PIK3CB: variants seen among roughly 807,000 people sequenced by gnomAD.
The protein encoded by PIK3CB is phosphatidylinositol 4,5-bisphosphate 3-kinase catalytic subunit beta isoform.
Under a neutral mutation model 136.8 loss-of-function variants are expected in PIK3CB, and 39 were observed. The ratio of observed to expected loss-of-function variants is 0.29; its 90% CI spans 0.22 to 0.37. PIK3CB has a LOEUF of 0.37. Among genes scored for constraint, PIK3CB ranks in the 10% least tolerant of loss-of-function variants. The pLI is 1.00. For missense variants in PIK3CB, 868 were observed against 1,275.4 expected, an observed-to-expected ratio of 0.68 and a Z score of 4.87; for synonymous variants, 428 against 436.6, an observed-to-expected ratio of 0.98 and a Z score of 0.25.
At chr3:138,753,459 T>C (rs1239852045) in intron 4 of PIK3CB, among the ~76,000 whole-genome samples, 1 of 152,180 alleles carries the variant, frequency 6.6e-6, no homozygotes, top group Non-Finnish European at 1.5e-5. Flanking sequence ...AGGCAGAGGT[T>C]GCAGTGAGTC....
intron 8 of PIK3CB, among the ~76,000 whole-genome samples, chr3:138,721,002 A>T (rs939491737): frequency 6.6e-6 from 1 of 152,230 alleles, no homozygotes; most frequent in South Asian, 2.1e-4. Context: ...ATAAGCCTGC[A>T]AACTACAAAA....
chr3:138,669,749 A>G (rs941881273), intron 19 of PIK3CB, among the ~76,000 whole-genome samples: 4 of 152,214 alleles, frequency 2.6e-5, no homozygotes, highest in African/African-American at 9.7e-5. Flanking sequence ...ATTTTCATTC[A>G]TGCAAACATG....
intron 13 of PIK3CB, 147 bp downstream of exon 13, chr3:138,698,760 T>A: frequency 2.2e-6 from 1 of 447,188 alleles, no homozygotes; most frequent in Non-Finnish European, 4.0e-6. Flanking sequence ...GGTCCATTAC[T>A]TGGAGTATAA....
At chr3:138,793,762 G>A (rs1008062346) in intron 2 of PIK3CB, among the ~76,000 whole-genome samples, 4 of 152,106 alleles carry the variant, frequency 2.6e-5, no homozygotes, top group African/African-American at 7.2e-5. Flanking sequence ...GCTCCCATCT[G>A]TAATCCCAGC....
chr3:138,737,961 T>A lies in PIK3CB; in HGVS notation c.622-75A>T, dbSNP rs878972235. On this transcript the variant is annotated intron_variant, in intron 5 of 23. Coordinates refer to ENST00000674063, the MANE Select transcript of PIK3CB (RefSeq NM_006219.3). ...CTGAAAAATCACATTACAATCATTATGTAATAATATGTACAAATGTACATA... is the reference window on the plus strand; with the variant it reads ...CTGAAAAATCACATTACAATCATTAAGTAATAATATGTACAAATGTACATA... 8.4e-6 allele frequency: 7 copies of A among 835,546 alleles called. No homozygotes were observed. The South Asian group carries it at 1.2e-4, about 14-fold the overall frequency. The allele number at this position is 835,546 out of a possible 1,614,324, so 51.8% of individuals were successfully genotyped here. A position where few individuals can be genotyped will look rare whatever the true frequency, so the allele number is the denominator to read the frequency against.
chr3:138,759,209 C>G lies in PIK3CB; in HGVS notation c.135G>C (p.Glu45Asp). 1.2e-6 allele frequency: 2 copies of G among 1,611,474 alleles called. No individual in the cohort carries two copies. The highest frequency in any genetic ancestry group is 1.7e-6 in the Non-Finnish European group (2 of 1,178,042). The change falls in exon 3 of 24, where the codon GAG becomes GAC. Residue 45 changes from glutamate to aspartate, a missense_variant. This residue lies in a region of PIK3CB where 612 missense variants were observed against 801.1 expected (regional missense o/e 0.76). Transcript: ENST00000674063. ...LLPTGIYIQL[E>D]VPREATISYI... ...AAGAAATGGTAGCTTCCCGAGGTAC[C>G]TCCAACTGGATATAAATCCCAGTGG...
chr3:138,678,372 AT>A (rs1442917667), intron 19 of PIK3CB, among the ~76,000 whole-genome samples: 6 of 152,246 alleles, frequency 3.9e-5, no homozygotes, highest in East Asian at 1.9e-4. Flanking sequence ...TCTAAAAAAA[AT>A]TTTTTTAATA....
At chr3:138,826,219 C>A in intron 1 of PIK3CB, 1 of 1,449,044 alleles carries the variant, frequency 6.9e-7, no homozygotes, top group Non-Finnish European at 9.6e-7. Flanking sequence ...CATTTTGCTG[C>A]TCGTGATATG....
At chr3:138,729,347 G>C (rs1190978116) in intron 8 of PIK3CB, among the ~76,000 whole-genome samples, 2 of 152,082 alleles carry the variant, frequency 1.3e-5, no homozygotes, top group African/African-American at 2.4e-5. Context: ...AGGTCACAGG[G>C]TACCCTGGTA....
rs772751891 is a variant in PIK3CB, at chr3:138,755,974, T to C, written c.177A>G (p.Leu59=). The C allele has an allele frequency of 6.4e-7, 1 of 1,570,464 alleles. No homozygotes were observed. Among genetic ancestry groups the C allele is most frequent in the Non-Finnish European group, 8.7e-7 (1 of 1,145,370 alleles). ...TTGGGTAATTGTGAACTTGCTTCCA[T>C]AACATCTATGAGAAAAAATAAGACA... The part of the protein sequence containing the change: ...EATISYIKQM[L]WKQVHNYPMF... Residue 59 remains leucine (L), a synonymous_variant, in exon 4 of 24, where the codon TTA becomes TTG. Coordinates refer to ENST00000674063, the MANE Select transcript of PIK3CB (RefSeq NM_006219.3).
At chr3:138,681,355 T>C (rs1559810227) in intron 19 of PIK3CB, among the ~76,000 whole-genome samples, 1 of 152,212 alleles carries the variant, frequency 6.6e-6, no homozygotes, top group African/African-American at 2.4e-5. Flanking sequence ...AGTTTGTTTT[T>C]ATACTTTTTA....
Position 138,811,857 on chromosome 3 carries a change from G to C in PIK3CB, c.-121-15290C>G, listed in dbSNP as rs183381577. ...TAATCCCAGCACTTTGGGAGACCAA[G>C]GCAGGAAGATCACTGGAGCCCAGGA... On this transcript the variant is annotated intron_variant, in intron 1 of 23. Transcript: ENST00000674063. 1.0e-2 allele frequency among the ~76,000 whole-genome samples: 1,517 copies of C among 152,028 alleles called. 14 individuals are homozygous for C. The highest frequency in any genetic ancestry group is 0.015 in the Non-Finnish European group (1,036 of 67,970).
At chr3:138,701,103 A>T (rs2044242955) in intron 12 of PIK3CB, among the ~76,000 whole-genome samples, 1 of 152,172 alleles carries the variant, frequency 6.6e-6, no homozygotes, top group Non-Finnish European at 1.5e-5. Flanking sequence ...TCACACTAAA[A>T]ATGCATAACT....
chr3:138,662,087 A>G (rs2043305640), intron 21 of PIK3CB, among the ~76,000 whole-genome samples: 1 of 150,952 alleles, frequency 6.6e-6, no homozygotes, highest in African/African-American at 2.4e-5. Context: ...GGTTCATCCC[A>G]ACTTTTTTTT....
chr3:138,788,987 A>C (rs867402482), intron 2 of PIK3CB, among the ~76,000 whole-genome samples: 2 of 148,242 alleles, frequency 1.3e-5, no homozygotes, highest in African/African-American at 5.1e-5. Flanking sequence ...AAAAAAAAAA[A>C]AAAAACAAAA....
chr3:138,813,561 G>A (rs538117434), intron 1 of PIK3CB, among the ~76,000 whole-genome samples: 1 of 151,924 alleles, frequency 6.6e-6, no homozygotes, highest in Non-Finnish European at 1.5e-5. Flanking sequence ...GGGACTACAG[G>A]CGCCCACCAC....
At chr3:138,830,584 G>C (rs1366228659) in intron 1 of PIK3CB, among the ~76,000 whole-genome samples, 2 of 151,456 alleles carry the variant, frequency 1.3e-5, no homozygotes, top group South Asian at 4.2e-4. Flanking sequence ...AAAATCAAAA[G>C]GAACAAGTCC....
chr3:138,798,879 G>A (rs1308927203), intron 1 of PIK3CB, among the ~76,000 whole-genome samples: 2 of 151,896 alleles, frequency 1.3e-5, no homozygotes, highest in Non-Finnish European at 2.9e-5. Context: ...TTCTCTCGGG[G>A]TCCGGGTCAA....
intron 21 of PIK3CB, among the ~76,000 whole-genome samples, chr3:138,662,149 T>C (rs2043308575): frequency 6.6e-6 from 1 of 150,914 alleles, no homozygotes; most frequent in Non-Finnish European, 1.5e-5. Flanking sequence ...TTAGGGTACA[T>C]GTGCACAATG....
Sources: allele counts gnomAD v4.1 joint callset (sites outside exome capture counted in the v4.1 genomes callset), GRCh38; gene constraint gnomAD v4.1.1; regional missense constraint gnomAD v4.1.1; transcripts MANE v1.5; gene names NCBI Gene and HGNC (gene_info 2026-07-23, HGNC 2026-07-21).